OSBP2: variants seen among roughly 807,000 people sequenced by gnomAD.
The protein encoded by OSBP2 is oxysterol binding protein 2.
A neutral mutation model predicts 96.0 loss-of-function variants in OSBP2; 66 were observed. The observed-to-expected ratio is 0.69, with a 90% CI of 0.56 to 0.84. The LOEUF is 0.84. Among genes scored for constraint, OSBP2 ranks in the 40% least tolerant of loss-of-function variants. OSBP2 has a pLI of 0.00. For missense variants in OSBP2, 1,038 were observed against 1,222.7 expected, an observed-to-expected ratio of 0.85 and a Z score of 2.25; for synonymous variants, 525 against 520.9, an observed-to-expected ratio of 1.01 and a Z score of -0.11.
chr22:30,866,358 C>T (rs2039337722), intron 2 of OSBP2, among the ~76,000 whole-genome samples: 1 of 152,220 alleles, frequency 6.6e-6, no homozygotes, highest in Admixed American at 6.5e-5. Context: ...CAAAGCAACG[C>T]CTTCTCCCCT....
intron 2 of OSBP2, among the ~76,000 whole-genome samples, chr22:30,865,585 T>C (rs906732786): frequency 4.7e-5 from 6 of 127,648 alleles, no homozygotes; most frequent in African/African-American, 1.8e-4. Context: ...TGAACTGAGA[T>C]CATGCCATTG....
At chr22:30,737,042 G>A (rs1489292944) in intron 1 of OSBP2, among the ~76,000 whole-genome samples, 6 of 152,088 alleles carry the variant, frequency 3.9e-5, no homozygotes, top group Non-Finnish European at 8.8e-5. Context: ...TTGAGACGGA[G>A]TCTTGCTCTG....
At chr22:30,857,378 C>T (rs1223768659) in intron 2 of OSBP2, among the ~76,000 whole-genome samples, 1 of 152,186 alleles carries the variant, frequency 6.6e-6, no homozygotes, top group Non-Finnish European at 1.5e-5. Flanking sequence ...TGTGAAGTTA[C>T]ACAGCCGACT....
chr22:30,694,217 ACGATGTCGTCACTGGCAG>A, upstream of OSBP2: 2 of 1,549,972 alleles, frequency 1.3e-6, no homozygotes, highest in Non-Finnish European at 1.7e-6. Context: ...GAGAACCCGA[ACGATGTCGTCACTGGCAG>A]CGAAGCGCCT....
At chr22:30,757,737 C>G (rs1160869642) in intron 2 of OSBP2, among the ~76,000 whole-genome samples, 1 of 152,048 alleles carries the variant, frequency 6.6e-6, no homozygotes, top group Non-Finnish European at 1.5e-5. Flanking sequence ...TTTTGTCACT[C>G]CTGTAGCCTC....
At chr22:30,727,114 C>T (rs991984824) in intron 1 of OSBP2, among the ~76,000 whole-genome samples, 1 of 152,094 alleles carries the variant, frequency 6.6e-6, no homozygotes, top group Non-Finnish European at 1.5e-5. Context: ...CAGGGAGGTA[C>T]CATCTCTACT....
chr22:30,869,734 G>A (rs1247866812), intron 2 of OSBP2, among the ~76,000 whole-genome samples: 4 of 152,094 alleles, frequency 2.6e-5, no homozygotes, highest in Admixed American at 6.5e-5. Flanking sequence ...ACAGACTTTT[G>A]TCATGTTGCC....
intron 12 of OSBP2, 177 bp downstream of exon 12, chr22:30,894,178 T>G (rs1398148506): frequency 1.6e-6 from 1 of 608,900 alleles, no homozygotes; most frequent in African/African-American, 1.8e-5. Flanking sequence ...TAAATAAATG[T>G]GAAACTATCA....
intron 12 of OSBP2, among the ~76,000 whole-genome samples, chr22:30,904,431 TAAAC>T (rs1266894179): frequency 1.3e-5 from 2 of 152,208 alleles, no homozygotes; most frequent in African/African-American, 2.4e-5. Flanking sequence ...ATGGATAAGA[TAAAC>T]AAAACAAATG....
intron 12 of OSBP2, among the ~76,000 whole-genome samples, chr22:30,900,950 C>T (rs978051233): frequency 5.9e-5 from 9 of 152,100 alleles, no homozygotes; most frequent in East Asian, 1.9e-4. Flanking sequence ...AGTGAAAAGA[C>T]GATGCATAAA....
intron 3 of OSBP2, among the ~76,000 whole-genome samples, chr22:30,883,847 C>T (rs1190421273): frequency 6.6e-6 from 1 of 152,186 alleles, no homozygotes; most frequent in Non-Finnish European, 1.5e-5. Context: ...GCCATCTGGT[C>T]TGGCTGCTGG....
At chr22:30,802,497 C>G (rs536607945) in intron 2 of OSBP2, among the ~76,000 whole-genome samples, 15 of 152,328 alleles carry the variant, frequency 9.8e-5, no homozygotes, top group African/African-American at 2.9e-4. Context: ...TGGGTCCAGG[C>G]AAAGGGCCGG....
intron 2 of OSBP2, among the ~76,000 whole-genome samples, chr22:30,746,856 C>T (rs184559349): frequency 3.3e-5 from 5 of 152,108 alleles, no homozygotes; most frequent in African/African-American, 9.6e-5. Context: ...CAAACAAAGA[C>T]GTCACAAGAA....
intron 2 of OSBP2, among the ~76,000 whole-genome samples, chr22:30,778,715 G>A (rs1053429649): frequency 1.3e-5 from 2 of 152,012 alleles, no homozygotes; most frequent in African/African-American, 4.8e-5. Context: ...ACTGCAGTAC[G>A]AGATGAAAAC....
At chr22:30,866,863 AACT>A (rs1456930157) in intron 2 of OSBP2, among the ~76,000 whole-genome samples, 2 of 152,254 alleles carry the variant, frequency 1.3e-5, no homozygotes, top group Non-Finnish European at 2.9e-5. Flanking sequence ...CTCGGTTCTG[AACT>A]GAGACTTCTG....
intron 2 of OSBP2, among the ~76,000 whole-genome samples, chr22:30,765,163 G>T (rs550284357): frequency 3.4e-4 from 52 of 152,030 alleles, no homozygotes; most frequent in Non-Finnish European, 6.3e-4. Context: ...CAAAGTGCTG[G>T]ATTACAGGTG....
intron 2 of OSBP2, among the ~76,000 whole-genome samples, chr22:30,864,545 T>C (rs2039289731): frequency 6.6e-6 from 1 of 152,080 alleles, no homozygotes; most frequent in Middle Eastern, 3.4e-3. Flanking sequence ...ATATGGGGCG[T>C]TGGTGGGTGC....
At chr22:30,872,143 T>C (rs550198463) in intron 3 of OSBP2, among the ~76,000 whole-genome samples, 65 of 152,358 alleles carry the variant, frequency 4.3e-4, no homozygotes, top group Non-Finnish European at 8.7e-4. Flanking sequence ...CCACCCTGCG[T>C]GTTGGCCCCA....
At chr22:30,876,408 C>T (rs568877411) in intron 3 of OSBP2, among the ~76,000 whole-genome samples, 11 of 152,240 alleles carry the variant, frequency 7.2e-5, no homozygotes, top group Middle Eastern at 3.2e-3. Flanking sequence ...GTGGCCTCAC[C>T]GCCCCACTGC....
Sources: gnomAD v4.1 joint callset for allele counts (sites outside exome capture counted in the v4.1 genomes callset) on GRCh38, gnomAD v4.1.1 for gene constraint, MANE v1.5 for transcripts, NCBI Gene and HGNC (gene_info 2026-07-23, HGNC 2026-07-21) for gene names.